The following DEK variants were observed in gnomAD, a reference collection of about 807,000 sequenced individuals.
DEK encodes DEK proto-oncogene.
In DEK, 28 loss-of-function variants were observed where a neutral mutation model predicts 46.8. The ratio of observed to expected loss-of-function variants is 0.60; its 90% CI spans 0.44 to 0.82. The LOEUF (loss-of-function observed/expected upper bound fraction) is 0.82. Ranked by LOEUF, DEK falls within the 40% of genes least tolerant of loss-of-function variation. The pLI is 0.00. For synonymous variants in DEK, 160 were observed against 144.5 expected, an observed-to-expected ratio of 1.11 and a Z score of -0.77; for missense variants, 416 against 430.6, an observed-to-expected ratio of 0.97 and a Z score of 0.30.
chr6:18,237,571 T>C, intron 7 of DEK, 55 bp from the exon 8 acceptor site: 1 of 1,541,130 alleles, frequency 6.5e-7, no homozygotes, highest in Non-Finnish European at 8.7e-7. Flanking sequence ...TGCTATCCCA[T>C]CCCATCCCTC....
At chr6:18,232,341 T>C (rs375376675) in intron 9 of DEK, among the ~76,000 whole-genome samples, 19 of 152,254 alleles carry the variant, frequency 1.2e-4, no homozygotes, top group Admixed American at 4.6e-4. Context: ...CTATTCAACA[T>C]AGTGCTGGAA....
intron 9 of DEK, among the ~76,000 whole-genome samples, chr6:18,230,506 T>C (rs146898453): frequency 0.021 from 3,125 of 152,190 alleles, 104 homozygotes; most frequent in African/African-American, 0.071. Context: ...GAGACACACA[T>C]AGGCTCAAAA....
intron 7 of DEK, among the ~76,000 whole-genome samples, chr6:18,243,109 T>C (rs1790969191): frequency 1.3e-5 from 2 of 152,206 alleles, no homozygotes; most frequent in Non-Finnish European, 1.5e-5. Flanking sequence ...AGGTGACTAC[T>C]GTGAAGAGAA....
chr6:18,249,559 T>C, intron 7 of DEK, 92 bp downstream of exon 7: 2 of 1,407,584 alleles, frequency 1.4e-6, no homozygotes, highest in Admixed American at 3.3e-5. Context: ...AAACAACCAA[T>C]AAGGAAGTGT....
intron 9 of DEK, among the ~76,000 whole-genome samples, chr6:18,235,967 A>C (rs1790629846): frequency 6.6e-6 from 1 of 152,210 alleles, no homozygotes; most frequent in Non-Finnish European, 1.5e-5. Context: ...TTTCCATAGA[A>C]TCCCTATGGA....
At position 18,227,108 on chromosome 6, in the gene DEK, A is replaced by G. The variant is rs1175010384; in HGVS notation, c.1048-866T>C. On this transcript the variant is annotated intron_variant, in intron 9 of 10. Transcript: ENST00000652689. The stretch of plus-strand genomic sequence containing the variant: ...TTCTCCCCATGTCATAGTCTGAAAT[A>G]TGGCCTCGTGAGAAGGGAAAGACCT... Among the ~76,000 whole-genome samples the G allele has an allele frequency of 2.6e-5, 4 of 152,126 alleles. No homozygotes were observed. In the South Asian group the frequency reaches 6.2e-4, roughly 24 times the overall value.
At position 18,258,400 on chromosome 6, in the gene DEK, T is replaced by A; in HGVS notation, c.151A>T (p.Ser51Cys). The part of the protein sequence containing the change: ...EEEEEEEKEK[S>C]LIVEGKREKK... ...TCCCTCTTGCCTTCCACGATGAGAC[T>A]CTTTTCTAGAAATTAATTTAGTATT... Residue 51 changes from serine to cysteine, a missense_variant, in exon 3 of 11, where the codon AGT becomes TGT. By Grantham distance (112) the Ser-to-Cys change is moderately radical (BLOSUM62 -1). Coordinates refer to ENST00000652689, the MANE Select transcript of DEK (RefSeq NM_003472.4). 2 of 1,608,112 alleles carry A rather than the reference T, an allele frequency of 1.2e-6. No individual in the cohort carries two copies. The highest frequency in any genetic ancestry group is 2.7e-5 in the African/African-American group (2 of 74,814).
At position 18,236,136 on chromosome 6, in the gene DEK, CAT is replaced by C. The variant is rs1561977323; in HGVS notation, c.1047+314_1047+315del. Reference sequence around the variant, plus strand: ...ATGAGATTCTGCTTCTTTAAACTAACATAAACTAAGGATACATCAATAGAAAC... The same window carrying C: ...ATGAGATTCTGCTTCTTTAAACTAACAAACTAAGGATACATCAATAGAAAC... On this transcript the variant is annotated intron_variant, in intron 9 of 10. Transcript: ENST00000652689. Among the ~76,000 whole-genome samples, 4 of 152,274 alleles carry C rather than the reference CAT, an allele frequency of 2.6e-5. No homozygotes were observed. The South Asian group carries it at 6.2e-4, about 24-fold the overall frequency.
intron 2 of DEK, among the ~76,000 whole-genome samples, chr6:18,262,781 T>G (rs917637283): frequency 2.0e-5 from 3 of 151,922 alleles, no homozygotes; most frequent in Admixed American, 2.0e-4. Context: ...TAAAATAACA[T>G]GTTGTTAAGC....
At chr6:18,229,372 C>A (rs1312879188) in intron 9 of DEK, among the ~76,000 whole-genome samples, 1 of 152,216 alleles carries the variant, frequency 6.6e-6, no homozygotes, top group Middle Eastern at 3.2e-3. Context: ...TGGAACAAAG[C>A]TGGACGGAGA....
chr6:18,260,997 A>AAC (rs1195330414), intron 2 of DEK, among the ~76,000 whole-genome samples: 14 of 151,062 alleles, frequency 9.3e-5, no homozygotes, highest in African/African-American at 3.1e-4. Context: ...AAAAAAAAAA[A>AAC]AAAAAAGAAA....
chr6:18,253,780 T>C (rs1791491126), intron 6 of DEK, among the ~76,000 whole-genome samples: 1 of 152,066 alleles, frequency 6.6e-6, no homozygotes, highest in South Asian at 2.1e-4. Flanking sequence ...TGCAGTGGCA[T>C]GAAAATAGCT....
At chr6:18,257,574 A>G (rs1166882144) in intron 4 of DEK, among the ~76,000 whole-genome samples, 2 of 151,970 alleles carry the variant, frequency 1.3e-5, no homozygotes, top group East Asian at 1.9e-4. Flanking sequence ...AGCCAGACAC[A>G]GTATGGTGGC....
chr6:18,232,006 C>T (rs1049955937), intron 9 of DEK, among the ~76,000 whole-genome samples: 6 of 152,126 alleles, frequency 3.9e-5, no homozygotes, highest in African/African-American at 1.4e-4. Context: ...AATCAAAAAC[C>T]TTATCTACCA....
At chr6:18,228,650 C>G (rs1790247645) in intron 9 of DEK, among the ~76,000 whole-genome samples, 1 of 152,202 alleles carries the variant, frequency 6.6e-6, no homozygotes, top group African/African-American at 2.4e-5. Context: ...TAGACGGCAC[C>G]TGGAAAATTG....
At chr6:18,226,308 G>C (rs2151075107) in intron 9 of DEK, 66 bp from the exon 10 acceptor site, 2 of 1,241,510 alleles carry the variant, frequency 1.6e-6, no homozygotes, top group South Asian at 1.6e-5. Flanking sequence ...TATTGTCTTT[G>C]AATAAAAGCA....
chr6:18,263,607 G>A (rs976637810), intron 2 of DEK, among the ~76,000 whole-genome samples: 18 of 152,094 alleles, frequency 1.2e-4, no homozygotes, highest in African/African-American at 4.3e-4. Flanking sequence ...GAAGTCGGCT[G>A]CACTCCAATA....
At position 18,258,215 on chromosome 6, in the gene DEK, C is replaced by G. The variant is rs1308542767; in HGVS notation, c.247+89G>C. The G allele has an allele frequency of 3.3e-6, 4 of 1,206,720 alleles. No individual in the cohort carries two copies. In the African/African-American group the frequency reaches 6.1e-5, roughly 18 times the overall value. 74.8% of individuals were successfully genotyped at this position (1,206,720 alleles called of 1,614,324 possible). On this transcript the variant is annotated intron_variant, in intron 3 of 10. Coordinates refer to ENST00000652689, the MANE Select transcript of DEK (RefSeq NM_003472.4). Reference sequence around the variant, plus strand: ...AAAATTATACCAAAAGTATAAAACACTACCTTGCTGATACTAAGCTACAAA... The same window carrying G: ...AAAATTATACCAAAAGTATAAAACAGTACCTTGCTGATACTAAGCTACAAA...
intron 7 of DEK, among the ~76,000 whole-genome samples, chr6:18,247,285 G>A (rs1791161451): frequency 6.6e-6 from 1 of 152,034 alleles, no homozygotes; most frequent in Admixed American, 6.6e-5. Context: ...AAAAAAGGGG[G>A]GGAAACAATT....
Sources: allele counts gnomAD v4.1 joint callset (sites outside exome capture counted in the v4.1 genomes callset), GRCh38; gene constraint gnomAD v4.1.1; transcripts MANE v1.5; gene names NCBI Gene and HGNC (gene_info 2026-07-23, HGNC 2026-07-21).